The following NR3C2 variants were observed in gnomAD, a reference collection of about 807,000 sequenced individuals.
The protein encoded by NR3C2 is mineralocorticoid receptor.
NR3C2 carries 15 observed loss-of-function variants against 86.4 expected under a neutral mutation model. The ratio of observed to expected loss-of-function variants is 0.17; its 90% CI spans 0.12 to 0.27. NR3C2 has a LOEUF of 0.27. Ranked by LOEUF, NR3C2 falls within the 10% of genes least tolerant of loss-of-function variation. The pLI is 1.00. For missense variants in NR3C2, 960 were observed against 1,195.6 expected (o/e 0.80, Z 2.91); for synonymous variants, 458 against 450.5 (o/e 1.02, Z -0.21).
At chr4:148,299,163 T>C (rs548940477) in intron 2 of NR3C2, among the ~76,000 whole-genome samples, 1 of 152,322 alleles carries the variant, frequency 6.6e-6, no homozygotes, top group East Asian at 1.9e-4. Context: ...TGTGTCCATG[T>C]GTCTAATTTT....
intron 2 of NR3C2, among the ~76,000 whole-genome samples, chr4:148,275,918 T>A (rs553517232): frequency 4.6e-5 from 7 of 152,260 alleles, no homozygotes; most frequent in East Asian, 1.9e-4. Context: ...GGGTTTTTTT[T>A]AAAACAAACA....
At chr4:148,336,119 C>G (rs1265462799) in intron 2 of NR3C2, among the ~76,000 whole-genome samples, 2 of 152,142 alleles carry the variant, frequency 1.3e-5, no homozygotes, top group Non-Finnish European at 2.9e-5. Flanking sequence ...CACAGACAAC[C>G]TGATTTCCCG....
intron 4 of NR3C2, among the ~76,000 whole-genome samples, chr4:148,162,586 G>C (rs1578958469): frequency 6.6e-6 from 1 of 152,106 alleles, no homozygotes; most frequent in African/African-American, 2.4e-5. Flanking sequence ...ATCATCTCTG[G>C]GCAATGGAGA....
At chr4:148,186,996 GTATATATATA>G (rs1162757665) in intron 4 of NR3C2, among the ~76,000 whole-genome samples, 1,232 of 27,062 alleles carry the variant, frequency 0.046, 11 homozygotes, top group African/African-American at 0.053. Context: ...GTGTATGTAT[GTATATATATA>G]TATATATATA....
At chr4:148,093,224 G>A (rs565437514) in intron 8 of NR3C2, among the ~76,000 whole-genome samples, 8 of 152,318 alleles carry the variant, frequency 5.3e-5, no homozygotes, top group East Asian at 1.9e-4. Context: ...CAATGAGGCC[G>A]TGGGGCTCAA....
chr4:148,089,574 GT>G (rs1221283498), intron 8 of NR3C2, among the ~76,000 whole-genome samples: 1 of 152,230 alleles, frequency 6.6e-6, no homozygotes, highest in Non-Finnish European at 1.5e-5. Context: ...ATGGAACACA[GT>G]TTGTGAAACC....
At chr4:148,326,921 T>C (rs1168691599) in intron 2 of NR3C2, among the ~76,000 whole-genome samples, 1 of 152,174 alleles carries the variant, frequency 6.6e-6, no homozygotes, top group African/African-American at 2.4e-5. Context: ...AGCTCAGTAA[T>C]ACAAATACCA....
intron 4 of NR3C2, among the ~76,000 whole-genome samples, chr4:148,172,373 A>G (rs910055976): frequency 3.9e-5 from 6 of 152,154 alleles, no homozygotes; most frequent in African/African-American, 1.4e-4. Flanking sequence ...AGGACTGAAG[A>G]GATATAAGCC....
intron 2 of NR3C2, among the ~76,000 whole-genome samples, chr4:148,343,092 A>G (rs572927654): frequency 3.3e-5 from 5 of 152,350 alleles, no homozygotes; most frequent in African/African-American, 1.2e-4. Context: ...TAAATCAAAT[A>G]TCATGGCATC....
At chr4:148,175,984 A>G (rs1363893611) in intron 4 of NR3C2, among the ~76,000 whole-genome samples, 3 of 152,252 alleles carry the variant, frequency 2.0e-5, no homozygotes, top group Non-Finnish European at 2.9e-5. Context: ...CTCTAAAATA[A>G]ACTAAAAATA....
At chr4:148,108,323 T>A (rs1459167276) in intron 8 of NR3C2, among the ~76,000 whole-genome samples, 12 of 152,236 alleles carry the variant, frequency 7.9e-5, no homozygotes, top group South Asian at 4.1e-4. Flanking sequence ...GGCTGGTCTC[T>A]AACTCCTCAC....
chr4:148,248,162 A>G (rs946469690), intron 3 of NR3C2, among the ~76,000 whole-genome samples: 1 of 152,248 alleles, frequency 6.6e-6, no homozygotes, highest in African/African-American at 2.4e-5. Context: ...TGGCATGACT[A>G]TAACAATTTC....
At chr4:148,147,691 C>A (rs1331898341) in intron 6 of NR3C2, among the ~76,000 whole-genome samples, 1 of 152,242 alleles carries the variant, frequency 6.6e-6, no homozygotes, top group Non-Finnish European at 1.5e-5. Flanking sequence ...TCAGTGCACT[C>A]TGCCCTCAAG....
At chr4:148,216,912 T>C (rs1431863536) in intron 3 of NR3C2, among the ~76,000 whole-genome samples, 1 of 152,150 alleles carries the variant, frequency 6.6e-6, no homozygotes, top group African/African-American at 2.4e-5. Flanking sequence ...AGCAGCTAAG[T>C]CTTAGATGGT....
At chr4:148,426,781 A>AT (rs1229880967) in intron 2 of NR3C2, among the ~76,000 whole-genome samples, 1 of 152,148 alleles carries the variant, frequency 6.6e-6, no homozygotes, top group Admixed American at 6.5e-5. Flanking sequence ...CAGCATCCAC[A>AT]GGGACTCCCT....
chr4:148,444,476 C>A, upstream of NR3C2: 1 of 985,912 alleles, frequency 1.0e-6, no homozygotes, highest in Non-Finnish European at 1.2e-6. Flanking sequence ...CTGCGCTCTC[C>A]GGACCCCCTC....
Position 148,186,986 on chromosome 4 carries a change from GTGTATGTA to G in NR3C2, c.2014+7752_2014+7759del, listed in dbSNP as rs761558463. ...GCATAGTATTCCATCATACTGATGT[GTGTATGTA>G]TGTATATATATATATATATATATAT... On this transcript the variant is annotated intron_variant, in intron 4 of 8. Coordinates refer to ENST00000358102, the MANE Select transcript of NR3C2 (RefSeq NM_000901.5). Among the ~76,000 whole-genome samples the G allele has an allele frequency of 4.3e-3, 438 of 101,298 alleles. 14 individuals carry two copies. Among genetic ancestry groups the G allele is most frequent in the Non-Finnish European group, 7.4e-3 (350 of 47,476 alleles). The allele number at this position is 101,298 out of a possible 152,430, so 66.5% of individuals were successfully genotyped here.
chr4:148,170,961 T>C (rs1341853642), intron 4 of NR3C2, among the ~76,000 whole-genome samples: 1 of 152,222 alleles, frequency 6.6e-6, no homozygotes, highest in Admixed American at 6.5e-5. Flanking sequence ...CAAGCACATA[T>C]CCTGAATGTT....
In NR3C2 at chr4:148,180,182, C is replaced by T. The variant is rs560051900; in HGVS notation, c.2014+14564G>A. Among the ~76,000 whole-genome samples, 27 of 151,906 alleles carry T rather than the reference C, an allele frequency of 1.8e-4. 1 individual carries two copies. The highest frequency in any genetic ancestry group is 6.5e-4 in the African/African-American group (27 of 41,548). On this transcript the variant is annotated intron_variant, in intron 4 of 8. Transcript: ENST00000358102. Reference sequence around the variant, plus strand: ...CCTGTAATTTCTCTCACCAGACCCACACTGTGAGTTTTGCAGGTGACCATG... The same window carrying T: ...CCTGTAATTTCTCTCACCAGACCCATACTGTGAGTTTTGCAGGTGACCATG...
Sources: allele counts gnomAD v4.1 joint callset (sites outside exome capture counted in the v4.1 genomes callset), GRCh38; gene constraint gnomAD v4.1.1; transcripts MANE v1.5; gene names NCBI Gene and HGNC (gene_info 2026-07-23, HGNC 2026-07-21).